Variants in ACTR2 observed in about 807,000 individuals in gnomAD.
The protein encoded by ACTR2 is actin related protein 2.
A neutral mutation model predicts 50.2 loss-of-function variants in ACTR2; 5 were observed. The observed-to-expected ratio is 0.10, with a 90% CI of 0.05 to 0.21. The LOEUF (loss-of-function observed/expected upper bound fraction) is 0.21, where lower values mean the gene tolerates loss of function less well. Ranked by LOEUF, ACTR2 falls within the 10% of genes least tolerant of loss-of-function variation. The pLI is 1.00. For synonymous variants in ACTR2, 140 were observed against 162.9 expected (o/e 0.86, Z 1.07); for missense variants, 180 against 480.6 (o/e 0.37, Z 5.85).
chr2:65,255,768 G>T, intron 6 of ACTR2, 74 bp downstream of exon 6: 1 of 1,362,506 alleles, frequency 7.3e-7, no homozygotes. Context: ...AGCTTAAGGA[G>T]GTTTTCTTAG....
intron 5 of ACTR2, 122 bp from the exon 6 acceptor site, chr2:65,255,423 C>G (rs1210588093): frequency 1.3e-6 from 1 of 767,120 alleles, no homozygotes; most frequent in African/African-American, 1.7e-5. Context: ...ATAGTAGGAG[C>G]TGAGGATCCA....
At chr2:65,254,355 CTTTAATA>C (rs549623896) in intron 5 of ACTR2, among the ~76,000 whole-genome samples, 5 of 152,056 alleles carry the variant, frequency 3.3e-5, no homozygotes, top group African/African-American at 7.2e-5. Context: ...ATACGCCAGA[CTTTAATA>C]TTTAGTAGTT....
At chr2:65,239,489 A>G (rs568570719) in intron 1 of ACTR2, among the ~76,000 whole-genome samples, 8 of 152,352 alleles carry the variant, frequency 5.3e-5, no homozygotes, top group East Asian at 3.9e-4. Flanking sequence ...GCATTTGTTC[A>G]GCGAATTTGT....
rs966150712 is a variant in ACTR2 at position 65,233,310 on chromosome 2, C to A, written c.48+5353C>A. Among the ~76,000 whole-genome samples the A allele has an allele frequency of 2.0e-5, 3 of 151,122 alleles. No individual in the cohort carries two copies. In the South Asian group the frequency reaches 6.3e-4, roughly 32 times the overall value. On this transcript the variant is annotated intron_variant, in intron 1 of 8. Transcript: ENST00000260641. ...CGCCCAGTCTAGATTTTTTTTAATA[C>A]TGATTATTATTATTATTTGCAGAAG... is the stretch of plus-strand genomic sequence containing the variant.
rs70943640 is a variant in ACTR2 at position 65,267,862 on chromosome 2, C to CTTTTTTTTTTTTTTTTTTTTTTTTTTTTT, written c.1015-674_1015-673insTTTTTTTTTTTTTTTTTTTTTTTTTTTTT. ...ACCTTGAAGAAGTCATGCAAGTCCT[C>CTTTTTTTTTTTTTTTTTTTTTTTTTTTTT]TTTTTTTTTTTTTTTTTTTTTTTTT... On this transcript the variant is annotated intron_variant, in intron 8 of 8. Coordinates refer to ENST00000260641, the MANE Select transcript of ACTR2 (RefSeq NM_005722.4). Among the ~76,000 whole-genome samples, 13 of 47,412 alleles carry CTTTTTTTTTTTTTTTTTTTTTTTTTTTTT rather than the reference C, an allele frequency of 2.7e-4. 2 individuals are homozygous for CTTTTTTTTTTTTTTTTTTTTTTTTTTTTT. Among genetic ancestry groups the CTTTTTTTTTTTTTTTTTTTTTTTTTTTTT allele is most frequent in the Non-Finnish European group, 3.8e-4 (10 of 26,196 alleles). 31.1% of individuals were successfully genotyped at this position (47,412 alleles called of 152,430 possible). A position where few individuals can be genotyped will look rare whatever the true frequency, so the allele number is the denominator to read the frequency against.
intron 2 of ACTR2, among the ~76,000 whole-genome samples, chr2:65,243,165 G>C (rs1373686726): frequency 2.6e-5 from 4 of 152,042 alleles, no homozygotes; most frequent in Non-Finnish European, 5.9e-5. Flanking sequence ...TGTAATTCCA[G>C]CTACTCAGGA....
At chr2:65,233,298 T>C (rs1671674743) in intron 1 of ACTR2, among the ~76,000 whole-genome samples, 1 of 151,714 alleles carries the variant, frequency 6.6e-6, no homozygotes, top group African/African-American at 2.4e-5. Flanking sequence ...CCAGTCTAGA[T>C]TTTTTTTAAT....
chr2:65,237,970 G>T (rs1193572985), intron 1 of ACTR2, among the ~76,000 whole-genome samples: 2 of 151,992 alleles, frequency 1.3e-5, no homozygotes, highest in Non-Finnish European at 2.9e-5. Flanking sequence ...CTCCAGCCTG[G>T]GCGACAGAGT....
chr2:65,228,814 T>A (rs1411191647), intron 1 of ACTR2, among the ~76,000 whole-genome samples: 1 of 152,160 alleles, frequency 6.6e-6, no homozygotes, highest in Admixed American at 6.5e-5. Flanking sequence ...ATTTGAAAAT[T>A]GTTTCTGTAA....
intron 2 of ACTR2, chr2:65,241,990 C>G: frequency 6.3e-7 from 1 of 1,597,578 alleles, no homozygotes; most frequent in Non-Finnish European, 8.6e-7. Flanking sequence ...TTATTTAGGC[C>G]TTTTCTGACT....
At chr2:65,234,531 C>T (rs1291267721) in intron 1 of ACTR2, among the ~76,000 whole-genome samples, 6 of 151,770 alleles carry the variant, frequency 4.0e-5, no homozygotes, top group Non-Finnish European at 7.4e-5. Flanking sequence ...TTAAAATATA[C>T]TCATAAGAAT....
intron 1 of ACTR2, among the ~76,000 whole-genome samples, chr2:65,233,793 T>G (rs1040322825): frequency 1.3e-4 from 19 of 152,000 alleles, no homozygotes; most frequent in Non-Finnish European, 2.5e-4. Context: ...GTACTTTTAG[T>G]AGAGATGGGG....
At chr2:65,245,485 G>A (rs187826423) in intron 2 of ACTR2, among the ~76,000 whole-genome samples, 76 of 152,162 alleles carry the variant, frequency 5.0e-4, no homozygotes, top group African/African-American at 1.6e-3. Flanking sequence ...ATGCCACTGC[G>A]CTCTAGCCTG....
intron 8 of ACTR2, among the ~76,000 whole-genome samples, chr2:65,267,633 T>C (rs948246388): frequency 9.2e-5 from 14 of 152,182 alleles, no homozygotes; most frequent in African/African-American, 2.9e-4. Flanking sequence ...CTACAGAGTA[T>C]AAAACTTTTC....
chr2:65,255,443 C>T (rs1006473680), intron 5 of ACTR2, 102 bp from the exon 6 acceptor site: 2 of 1,004,348 alleles, frequency 2.0e-6, no homozygotes, highest in Non-Finnish European at 1.4e-6. Context: ...ACTGCCCATT[C>T]TGTTTGTTAT....
chr2:65,260,557 T>A (rs1672249226), intron 6 of ACTR2, among the ~76,000 whole-genome samples: 1 of 152,174 alleles, frequency 6.6e-6, no homozygotes, highest in Non-Finnish European at 1.5e-5. Flanking sequence ...AGCAGAAATA[T>A]CCATAAAATC....
intron 4 of ACTR2, 127 bp from the exon 5 acceptor site, chr2:65,253,597 ATAAC>A (rs1672094669): frequency 1.1e-6 from 1 of 906,490 alleles, no homozygotes; most frequent in African/African-American, 1.7e-5. Flanking sequence ...AAACTGCAAA[ATAAC>A]TAAATAATAA....
intron 5 of ACTR2, among the ~76,000 whole-genome samples, 164 bp downstream of exon 5, chr2:65,254,028 C>CA: frequency 1.3e-5 from 2 of 152,026 alleles, no homozygotes; most frequent in Middle Eastern, 6.8e-3. Context: ...GATTTATACA[C>CA]ATGAAGAAAA....
At chr2:65,250,970 T>G in intron 3 of ACTR2, 57 bp from the exon 4 acceptor site, 3 of 1,248,948 alleles carry the variant, frequency 2.4e-6, no homozygotes, top group Non-Finnish European at 3.4e-6. Flanking sequence ...AGGAAAACAT[T>G]TATTTATTAT....
Sources: allele counts gnomAD v4.1 joint callset (sites outside exome capture counted in the v4.1 genomes callset), GRCh38; gene constraint gnomAD v4.1.1; transcripts MANE v1.5; gene names NCBI Gene and HGNC (gene_info 2026-07-23, HGNC 2026-07-21).